The following ELK3 variants were observed in gnomAD, a reference collection of about 807,000 sequenced individuals.
ELK3 encodes ETS domain-containing protein Elk-3.
ELK3 carries 10 observed loss-of-function variants against 28.9 expected under a neutral mutation model. The observed-to-expected ratio is 0.35, with a 90% CI of 0.21 to 0.59. The LOEUF (loss-of-function observed/expected upper bound fraction) is 0.59, where lower values mean the gene tolerates loss of function less well. ELK3 is among the 20% of genes least tolerant of loss of function. The probability of loss-of-function intolerance (pLI) is 0.82; values close to 1 mark genes in which losing one functional copy is unlikely to be tolerated. For synonymous variants in ELK3, 272 were observed against 243.5 expected, an observed-to-expected ratio of 1.12 and a Z score of -1.09; for missense variants, 463 against 517.3, an observed-to-expected ratio of 0.90 and a Z score of 1.02.
At position 96,247,557 on chromosome 12, in the gene ELK3, C is replaced by T. The variant is rs1592686753; in HGVS notation, c.825C>T (p.Asn275=). The change falls in exon 3 of 5, where the codon AAC becomes AAT. Residue 275 remains asparagine, a synonymous_variant. Transcript: ENST00000228741. The surrounding 1 kb of genome is among the most constrained non-coding windows in gnomAD (Gnocchi z 5.5). ...ACTCCGATTCCCTGGAGCCCTTGAA[C>T]CTGTCATCGGGCTCCAAGACCAAGT... The part of the protein sequence containing the change: ...CHDSDSLEPL[N]LSSGSKTKSP... The T allele has an allele frequency of 1.9e-6, 3 of 1,614,154 alleles. No homozygotes were observed. Among genetic ancestry groups the T allele is most frequent in the Non-Finnish European group, 2.5e-6 (3 of 1,180,040 alleles).
chr12:96,210,595 A>C (rs1046564424), intron 1 of ELK3, among the ~76,000 whole-genome samples: 7 of 150,206 alleles, frequency 4.7e-5, no homozygotes, highest in Non-Finnish European at 7.4e-5. Flanking sequence ...ACACACACAC[A>C]CACCCCGAGT....
At chr12:96,196,634 C>T (rs576812714) in intron 1 of ELK3, among the ~76,000 whole-genome samples, 1 of 152,028 alleles carries the variant, frequency 6.6e-6, no homozygotes, top group East Asian at 1.9e-4. Context: ...GGAGACTGTC[C>T]ATAAGTGTTC....
chr12:96,246,974 T>C lies in ELK3; in HGVS notation c.242T>C (p.Val81Ala), dbSNP rs1338589938. Residue 81 changes from valine to alanine, a missense_variant, in exon 3 of 5, where the codon GTG becomes GCG. Val to Ala is a moderately conservative substitution (Grantham distance 64, BLOSUM62 0). This residue lies in a region of ELK3 where 55 missense variants were observed against 102.5 expected (regional missense o/e 0.54). Transcript: ENST00000228741. Reference protein sequence around the residue: ...IIKKVIGQKFVYKFVSFPEIL... With the variant: ...IIKKVIGQKFAYKFVSFPEIL... ...AAGAAGGTGATCGGGCAGAAGTTTG[T>C]GTACAAGTTTGTCTCTTTCCCGGAG... 6.2e-7 allele frequency: 1 copy of C among 1,607,242 alleles called. No individual in the cohort carries two copies. The highest frequency in any genetic ancestry group is 2.2e-5 in the East Asian group (1 of 44,780).
chr12:96,236,911 C>T (rs1311465791), intron 2 of ELK3, among the ~76,000 whole-genome samples: 1 of 152,166 alleles, frequency 6.6e-6, no homozygotes, highest in African/African-American at 2.4e-5. Context: ...AGGGAAAAAT[C>T]CCCCCTTCCT....
intron 3 of ELK3, among the ~76,000 whole-genome samples, chr12:96,259,360 T>C (rs1951976195): frequency 6.6e-6 from 1 of 152,132 alleles, no homozygotes; most frequent in Non-Finnish European, 1.5e-5. Flanking sequence ...GAGACCAGCC[T>C]GGCCAACGTA....
rs1951868128 is a variant in ELK3 at position 96,247,564 on chromosome 12, T to G, written c.832T>G (p.Ser278Ala). The change falls in exon 3 of 5, where the codon TCG becomes GCG. Residue 278 changes from serine to alanine, a missense_variant. Ser to Ala is a moderately conservative substitution (Grantham distance 99). This residue lies in a region of ELK3 where 408 missense variants were observed against 414.8 expected (regional missense o/e 0.98). Transcript: ENST00000228741. The surrounding 1 kb of genome is among the most constrained non-coding windows in gnomAD (Gnocchi z 5.5). ...TTCCCTGGAGCCCTTGAACCTGTCA[T>G]CGGGCTCCAAGACCAAGTCTCCATC... ...SDSLEPLNLS[S>A]GSKTKSPSLP... 8 of 1,613,892 alleles carry G rather than the reference T, an allele frequency of 5.0e-6. No homozygotes were observed. The Admixed American group carries it at 1.3e-4, about 27-fold the overall frequency.
chr12:96,238,637 G>A (rs1176679629), intron 2 of ELK3, among the ~76,000 whole-genome samples: 1 of 152,238 alleles, frequency 6.6e-6, no homozygotes, highest in African/African-American at 2.4e-5. Flanking sequence ...CCAGTCTGCT[G>A]CACTGGGAGT....
At chr12:96,253,291 G>A (rs1403311416) in intron 3 of ELK3, among the ~76,000 whole-genome samples, 1 of 152,120 alleles carries the variant, frequency 6.6e-6, no homozygotes, top group Non-Finnish European at 1.5e-5. Flanking sequence ...AAATAAAAGA[G>A]TCAATCAATG....
At chr12:96,245,368 A>C (rs1951848563) in intron 2 of ELK3, among the ~76,000 whole-genome samples, 1 of 152,214 alleles carries the variant, frequency 6.6e-6, no homozygotes, top group African/African-American at 2.4e-5. Flanking sequence ...CTTACGCTTT[A>C]GAATCTGTCG....
At chr12:96,257,643 T>C (rs540778290) in intron 3 of ELK3, among the ~76,000 whole-genome samples, 1 of 152,228 alleles carries the variant, frequency 6.6e-6, no homozygotes, top group African/African-American at 2.4e-5. Context: ...TAGGAGGCCT[T>C]GAACACACTG....
intron 2 of ELK3, among the ~76,000 whole-genome samples, chr12:96,241,655 C>T (rs540119461): frequency 1.3e-5 from 2 of 152,310 alleles, no homozygotes; most frequent in East Asian, 3.9e-4. Context: ...CATGGGATGC[C>T]TTGGTCCCCA....
chr12:96,232,919 T>C (rs1339823511), intron 2 of ELK3, among the ~76,000 whole-genome samples: 4 of 152,250 alleles, frequency 2.6e-5, no homozygotes, highest in South Asian at 4.1e-4. Context: ...AGTGAGCTCT[T>C]ACTATATGAC....
chr12:96,239,071 C>T (rs750859055), intron 2 of ELK3, among the ~76,000 whole-genome samples: 10 of 152,194 alleles, frequency 6.6e-5, no homozygotes, highest in Non-Finnish European at 1.5e-4. Context: ...TTTTTAGTTC[C>T]TATTTCTTTC....
intron 1 of ELK3, among the ~76,000 whole-genome samples, chr12:96,221,243 G>A (rs1951659447): frequency 6.6e-6 from 1 of 152,208 alleles, no homozygotes; most frequent in Admixed American, 6.5e-5. Flanking sequence ...TGACACATGG[G>A]GTTGGATTGC....
At chr12:96,210,565 G>GCACACGCACACACACA (rs1951570236) in intron 1 of ELK3, among the ~76,000 whole-genome samples, 1 of 146,326 alleles carries the variant, frequency 6.8e-6, no homozygotes, top group African/African-American at 2.5e-5. Context: ...GCGGGCGCAC[G>GCACACGCACACACACA]CACACACACA....
chr12:96,210,561 G>GCGCACACACACACACACACACACACA (rs1555193024), intron 1 of ELK3, among the ~76,000 whole-genome samples: 6 of 144,750 alleles, frequency 4.1e-5, no homozygotes, highest in Admixed American at 1.4e-4. Context: ...GCGCGCGGGC[G>GCGCACACACACACACACACACACACA]CACGCACACA....
chr12:96,223,799 C>T (rs757626374), intron 2 of ELK3, 26 bp downstream of exon 2: 10 of 1,609,848 alleles, frequency 6.2e-6, no homozygotes, highest in African/African-American at 1.3e-5. Flanking sequence ...TGCATGGGGC[C>T]GTCTTGGGGA....
chr12:96,214,243 G>A (rs1316859951), intron 1 of ELK3, among the ~76,000 whole-genome samples: 5 of 151,900 alleles, frequency 3.3e-5, no homozygotes, highest in Admixed American at 6.6e-5. Context: ...CCACCCTGGC[G>A]AACATGCTGA....
intron 1 of ELK3, among the ~76,000 whole-genome samples, chr12:96,218,647 C>CT (rs1951638205): frequency 7.1e-6 from 1 of 139,900 alleles, no homozygotes; most frequent in African/African-American, 2.6e-5. Flanking sequence ...GAAAGATAAG[C>CT]ATTTTTTTTT....
Sources: allele counts gnomAD v4.1 joint callset (sites outside exome capture counted in the v4.1 genomes callset), GRCh38; gene constraint gnomAD v4.1.1; regional missense constraint gnomAD v4.1.1; non-coding constraint Gnocchi (gnomAD v3.1); transcripts MANE v1.5; gene names NCBI Gene and HGNC (gene_info 2026-07-23, HGNC 2026-07-21).